AGPS: variants seen among roughly 807,000 people sequenced by gnomAD.
The protein encoded by AGPS is alkyldihydroxyacetonephosphate synthase, peroxisomal.
A neutral mutation model predicts 90.7 loss-of-function variants in AGPS; 26 were observed. The observed-to-expected ratio is 0.29, with a 90% confidence interval of 0.21 to 0.40. The LOEUF is 0.40. Among genes scored for constraint, AGPS ranks in the 10% least tolerant of loss-of-function variants. AGPS has a pLI of 1.00. For synonymous variants in AGPS, 294 were observed against 285.3 expected, an observed-to-expected ratio of 1.03 and a Z score of -0.31; for missense variants, 540 against 816.1, an observed-to-expected ratio of 0.66 and a Z score of 4.12.
intron 6 of AGPS, among the ~76,000 whole-genome samples, chr2:177,441,877 A>T (rs867772256): frequency 1.3e-4 from 20 of 152,208 alleles, no homozygotes; most frequent in African/African-American, 4.6e-4. Context: ...TTTTTCACCA[A>T]AGAACATATA....
chr2:177,480,219 A>G (rs559817280), intron 10 of AGPS, among the ~76,000 whole-genome samples: 2 of 152,164 alleles, frequency 1.3e-5, no homozygotes, highest in African/African-American at 2.4e-5. Flanking sequence ...CAGCAATCCC[A>G]TTACTGGGTA....
chr2:177,525,448 A>G (rs1216762566), intron 19 of AGPS, among the ~76,000 whole-genome samples: 1 of 152,154 alleles, frequency 6.6e-6, no homozygotes, highest in African/African-American at 2.4e-5. Flanking sequence ...AAAAATTAAA[A>G]CTTTCCCAGT....
chr2:177,496,698 G>A (rs1241522038), intron 12 of AGPS, among the ~76,000 whole-genome samples: 1 of 151,814 alleles, frequency 6.6e-6, no homozygotes, highest in Non-Finnish European at 1.5e-5. Flanking sequence ...ATTATAATCA[G>A]CAAAAATGTA....
rs186287987 is a variant in AGPS, at chr2:177,396,407, A to C, written c.260+3358A>C. Among the ~76,000 whole-genome samples, 36 of 152,322 alleles carry C rather than the reference A, an allele frequency of 2.4e-4. No individual in the cohort carries two copies. In the East Asian group the frequency reaches 6.7e-3, roughly 29 times the overall value. ...CTTATATTCTAGCTGGAGTGGAGAC[A>C]GTGAACAAACAACTAATATAGTATG... On this transcript the variant is annotated intron_variant, in intron 1 of 19. Coordinates refer to ENST00000264167, the MANE Select transcript of AGPS (RefSeq NM_003659.4).
intron 7 of AGPS, 48 bp downstream of exon 7, chr2:177,442,534 C>A (rs748784323): frequency 7.1e-7 from 1 of 1,412,222 alleles, no homozygotes; most frequent in Non-Finnish European, 1.0e-6. Context: ...TTATTGGCTC[C>A]ACCTTAATTG....
At chr2:177,518,693 A>G (rs111775455) in intron 17 of AGPS, among the ~76,000 whole-genome samples, 143 of 112,886 alleles carry the variant, frequency 1.3e-3, no homozygotes, top group Non-Finnish European at 1.2e-3. Flanking sequence ...GCCACTATCT[A>G]TCTGTCTGTA....
chr2:177,442,582 C>A, intron 7 of AGPS, 96 bp downstream of exon 7: 1 of 1,018,726 alleles, frequency 9.8e-7, no homozygotes, highest in Non-Finnish European at 1.5e-6. Context: ...CGCTGTGGCT[C>A]ACGCTTGTAA....
intron 11 of AGPS, among the ~76,000 whole-genome samples, chr2:177,491,464 A>G (rs1277836577): frequency 1.5e-5 from 2 of 137,080 alleles, no homozygotes; most frequent in Non-Finnish European, 3.1e-5. Context: ...TTTAGTAGAG[A>G]TGGGGTTTCA....
intron 11 of AGPS, among the ~76,000 whole-genome samples, chr2:177,484,298 C>T (rs1353356226): frequency 6.6e-6 from 1 of 151,650 alleles, no homozygotes; most frequent in Non-Finnish European, 1.5e-5. Context: ...TTTTATTTTC[C>T]CTCTGTCTTT....
chr2:177,472,160 A>T (rs761024572), intron 10 of AGPS, among the ~76,000 whole-genome samples: 1 of 150,252 alleles, frequency 6.7e-6, no homozygotes, highest in Non-Finnish European at 1.5e-5. Context: ...AGGGACATTG[A>T]TTATACGTAT....
chr2:177,534,821 AC>A (rs1198380356), intron 19 of AGPS, among the ~76,000 whole-genome samples: 2 of 51,876 alleles, frequency 3.9e-5, no homozygotes, highest in Non-Finnish European at 8.0e-5. Flanking sequence ...CTGGTCTTGA[AC>A]TCCTGGGCTT....
intron 17 of AGPS, among the ~76,000 whole-genome samples, chr2:177,515,474 TC>T (rs1439327365): frequency 1.3e-5 from 2 of 152,068 alleles, no homozygotes; most frequent in Non-Finnish European, 2.9e-5. Flanking sequence ...TCCCCCTTCT[TC>T]CTTCTGCCCC....
intron 17 of AGPS, among the ~76,000 whole-genome samples, chr2:177,518,978 C>T (rs896257291): frequency 2.0e-5 from 3 of 152,044 alleles, no homozygotes; most frequent in Non-Finnish European, 2.9e-5. Flanking sequence ...GAAAGAAAAG[C>T]AGGTCTGTGG....
At chr2:177,446,309 G>A (rs1686771137) in intron 8 of AGPS, among the ~76,000 whole-genome samples, 2 of 152,068 alleles carry the variant, frequency 1.3e-5, no homozygotes, top group South Asian at 2.1e-4. Flanking sequence ...ACCCACTACC[G>A]CGCCTGGCTA....
chr2:177,506,268 T>C (rs1260818431), intron 15 of AGPS, among the ~76,000 whole-genome samples: 2 of 151,820 alleles, frequency 1.3e-5, no homozygotes, highest in African/African-American at 4.8e-5. Context: ...ATGATCTTAC[T>C]CTAAAAGGTC....
intron 10 of AGPS, among the ~76,000 whole-genome samples, chr2:177,473,455 T>C (rs1400416851): frequency 6.6e-6 from 1 of 152,198 alleles, no homozygotes; most frequent in Non-Finnish European, 1.5e-5. Flanking sequence ...TTCTGAAGTT[T>C]ATTGACACTA....
intron 10 of AGPS, among the ~76,000 whole-genome samples, chr2:177,472,238 A>T (rs1473335685): frequency 4.2e-5 from 6 of 142,594 alleles, no homozygotes; most frequent in Admixed American, 4.1e-4. Context: ...CTGACTTCTT[A>T]ATTTTCATTC....
intron 19 of AGPS, among the ~76,000 whole-genome samples, chr2:177,526,176 A>G (rs2079085977): frequency 6.6e-6 from 1 of 151,604 alleles, no homozygotes; most frequent in African/African-American, 2.4e-5. Flanking sequence ...TTATAAGATC[A>G]TGTTTATTCA....
At chr2:177,396,776 G>A (rs866407700) in intron 1 of AGPS, among the ~76,000 whole-genome samples, 7 of 152,204 alleles carry the variant, frequency 4.6e-5, no homozygotes, top group African/African-American at 1.7e-4. Context: ...TTAAAACTAT[G>A]TAACTAAATT....
Sources: allele counts gnomAD v4.1 joint callset (sites outside exome capture counted in the v4.1 genomes callset), GRCh38; gene constraint gnomAD v4.1.1; transcripts MANE v1.5; gene names NCBI Gene and HGNC (gene_info 2026-07-23, HGNC 2026-07-21).